Variants in ARID4A observed in about 807,000 individuals in gnomAD.
ARID4A encodes the protein AT-rich interactive domain-containing protein 4A.
Under a neutral mutation model 148.6 loss-of-function variants are expected in ARID4A, and 39 were observed. The observed-to-expected ratio is 0.26, with a 90% CI of 0.20 to 0.34. The LOEUF (loss-of-function observed/expected upper bound fraction) is 0.34. ARID4A is among the 10% of genes least tolerant of loss of function. ARID4A has a pLI of 1.00. For synonymous variants in ARID4A, 475 were observed against 481.2 expected, an observed-to-expected ratio of 0.99 and a Z score of 0.17; for missense variants, 1,265 against 1,449.1, an observed-to-expected ratio of 0.87 and a Z score of 2.06.
rs995550693 is a variant in ARID4A, at chr14:58,373,446, T to C, written c.*1457T>C. 4 of 180,602 alleles carry C rather than the reference T, an allele frequency of 2.2e-5. No homozygotes were observed. The highest frequency in any genetic ancestry group is 7.1e-5 in the African/African-American group (3 of 42,406). The allele number at this position is 180,602 out of a possible 1,614,324, so 11.2% of individuals were successfully genotyped here. A position where few individuals can be genotyped will look rare whatever the true frequency, so the allele number is the denominator to read the frequency against. ...TTTCTGTGTTTAATATGCTGTAGAA[T>C]AATAACCTAGATGCTCTAGACTGTA... On this transcript the variant is annotated 3_prime_UTR_variant, in exon 24 of 24. Coordinates refer to ENST00000355431, the MANE Select transcript of ARID4A (RefSeq NM_002892.4).
chr14:58,347,130 G>A lies in ARID4A; in HGVS notation c.1172+13G>A, dbSNP rs748147931. The A allele has an allele frequency of 7.5e-7, 1 of 1,331,822 alleles. No homozygotes were observed. Among genetic ancestry groups the A allele is most frequent in the Middle Eastern group, 2.4e-4 (1 of 4,246 alleles). 82.5% of individuals were successfully genotyped at this position (1,331,822 alleles called of 1,614,324 possible). On this transcript the variant is annotated intron_variant, in intron 14 of 23. Transcript: ENST00000355431. The stretch of plus-strand genomic sequence containing the variant: ...CTGCTTATAGAAAGTAAGTAGTATA[G>A]TTTATTCATCAAAGAATATATATTT...
intron 11 of ARID4A, among the ~76,000 whole-genome samples, chr14:58,336,762 G>A (rs1477624874): frequency 1.3e-5 from 2 of 151,984 alleles, no homozygotes; most frequent in African/African-American, 2.4e-5. Flanking sequence ...ATGAAAATAT[G>A]TATATAAATA....
chr14:58,307,804 G>C (rs186407463), intron 5 of ARID4A, among the ~76,000 whole-genome samples: 1 of 152,270 alleles, frequency 6.6e-6, no homozygotes, highest in East Asian at 1.9e-4. Context: ...TGGGCAACAA[G>C]AGCAAAACTG....
chr14:58,329,036 C>T (rs2033374088), intron 9 of ARID4A, among the ~76,000 whole-genome samples: 1 of 151,780 alleles, frequency 6.6e-6, no homozygotes, highest in South Asian at 2.1e-4. Context: ...TTCCTAACCT[C>T]ATCTCTGCTT....
chr14:58,325,867 T>A (rs967887910), intron 8 of ARID4A, among the ~76,000 whole-genome samples: 3 of 152,050 alleles, frequency 2.0e-5, no homozygotes, highest in African/African-American at 4.8e-5. Context: ...TTTTTTTTTT[T>A]AATAACAAAT....
chr14:58,315,316 A>T (rs2032335191), intron 5 of ARID4A, among the ~76,000 whole-genome samples: 1 of 152,174 alleles, frequency 6.6e-6, no homozygotes. Context: ...ATTTTATTTC[A>T]AAGTGATTAT....
chr14:58,335,988 T>C (rs1220390095), intron 11 of ARID4A, among the ~76,000 whole-genome samples: 1 of 152,154 alleles, frequency 6.6e-6, no homozygotes, highest in African/African-American at 2.4e-5. Flanking sequence ...CTCCAATCTG[T>C]TCTCTGTACT....
At position 58,364,232 on chromosome 14, in the gene ARID4A, C is replaced by G. The variant is rs1350937345; in HGVS notation, c.2143C>G (p.Leu715Val). The change falls in exon 20 of 24, where the codon CTT becomes GTT. Residue 715 changes from leucine (L) to valine (V), a missense_variant. Leu to Val is a conservative substitution (Grantham distance 32). This residue lies in a region of ARID4A where 666 missense variants were observed against 730.9 expected (regional missense o/e 0.91). Transcript: ENST00000355431. ...ALEKNLINEE[L>V]SLKDELEKNE... is the part of the protein sequence containing the mutation. ...AGAAAAGAATTTAATAAATGAAGAA[C>G]TTTCTCTTAAAGATGAACTAGAAAA... is the stretch of plus-strand genomic sequence containing the variant. 29 of 1,508,706 alleles carry G rather than the reference C, an allele frequency of 1.9e-5. 1 individual carries two copies. Among genetic ancestry groups the G allele is most frequent in the Non-Finnish European group, 2.1e-5 (24 of 1,133,036 alleles). The allele number at this position is 1,508,706 out of a possible 1,614,324, so 93.5% of individuals were successfully genotyped here.
chr14:58,355,568 C>T (rs748730577), intron 17 of ARID4A, among the ~76,000 whole-genome samples: 15 of 152,166 alleles, frequency 9.9e-5, no homozygotes, highest in Admixed American at 1.3e-4. Flanking sequence ...TTGAACTATG[C>T]TGTGGCTAAG....
chr14:58,319,887 A>G (rs1280924021), intron 7 of ARID4A, among the ~76,000 whole-genome samples: 4 of 150,526 alleles, frequency 2.7e-5, no homozygotes, highest in African/African-American at 9.7e-5. Context: ...CCAGTTCTTA[A>G]CATTTTTCAC....
At chr14:58,353,233 AAAT>A (rs2034716627) in intron 16 of ARID4A, among the ~76,000 whole-genome samples, 1 of 152,282 alleles carries the variant, frequency 6.6e-6, no homozygotes, top group South Asian at 2.1e-4. Flanking sequence ...GGTGGCACTT[AAAT>A]ATGAATTCTG....
chr14:58,302,734 G>C (rs2031283856), intron 3 of ARID4A, among the ~76,000 whole-genome samples: 1 of 152,002 alleles, frequency 6.6e-6, no homozygotes, highest in Admixed American at 6.6e-5. Context: ...TGGGGGGATT[G>C]CTTGAGCCAA....
intron 11 of ARID4A, among the ~76,000 whole-genome samples, chr14:58,340,660 T>A (rs980236946): frequency 2.0e-5 from 3 of 150,990 alleles, no homozygotes; most frequent in African/African-American, 7.3e-5. Context: ...TAATTTTGTA[T>A]TTTTAGTAGA....
At chr14:58,318,510 A>C in intron 5 of ARID4A, 32 bp from the exon 6 acceptor site, 1 of 1,601,648 alleles carries the variant, frequency 6.2e-7, no homozygotes, top group Non-Finnish European at 8.6e-7. Flanking sequence ...ATTAGTGTGC[A>C]TAAATTCTCT....
intron 5 of ARID4A, among the ~76,000 whole-genome samples, chr14:58,312,530 TTTTTAAAAAA>T (rs2032119963): frequency 6.6e-6 from 1 of 152,288 alleles, no homozygotes; most frequent in South Asian, 2.1e-4. Flanking sequence ...AAATAATTTT[TTTTTAAAAAA>T]ACTACTGGCC....
At chr14:58,300,765 C>G (rs2031087622) in intron 2 of ARID4A, among the ~76,000 whole-genome samples, 1 of 144,350 alleles carries the variant, frequency 6.9e-6, no homozygotes, top group South Asian at 2.2e-4. Flanking sequence ...TTGCACTTAA[C>G]AATGTTAAGT....
chr14:58,367,212 A>G (rs893782194), intron 23 of ARID4A, among the ~76,000 whole-genome samples, 183 bp downstream of exon 23: 1 of 152,222 alleles, frequency 6.6e-6, no homozygotes, highest in Non-Finnish European at 1.5e-5. Context: ...TGACACCCTT[A>G]AAAGGGAGTA....
chr14:58,332,002 C>T (rs1319888153), intron 11 of ARID4A, among the ~76,000 whole-genome samples: 1 of 146,610 alleles, frequency 6.8e-6, no homozygotes, highest in African/African-American at 2.5e-5. Context: ...CCTACCCCCC[C>T]CCCCCCAAAA....
intron 15 of ARID4A, among the ~76,000 whole-genome samples, chr14:58,349,522 C>G (rs2034537292): frequency 6.6e-6 from 1 of 151,810 alleles, no homozygotes; most frequent in Non-Finnish European, 1.5e-5. Context: ...AATACATTTG[C>G]TTGTAAAAAT....
Sources: allele counts gnomAD v4.1 joint callset (sites outside exome capture counted in the v4.1 genomes callset), GRCh38; gene constraint gnomAD v4.1.1; regional missense constraint gnomAD v4.1.1; transcripts MANE v1.5; gene names NCBI Gene and HGNC (gene_info 2026-07-23, HGNC 2026-07-21).